Variants in ATP2B4 observed in about 807,000 individuals in gnomAD.
ATP2B4 encodes the protein plasma membrane calcium-transporting ATPase 4.
ATP2B4 carries 39 observed loss-of-function variants against 110.3 expected under a neutral mutation model. The observed-to-expected ratio is 0.35, with a 90% CI of 0.27 to 0.46. ATP2B4 has a LOEUF of 0.46. ATP2B4 is among the 20% of genes least tolerant of loss of function. ATP2B4 has a pLI of 1.00. For synonymous variants in ATP2B4, 538 were observed against 571.7 expected (o/e 0.94, Z 0.84); for missense variants, 1,135 against 1,530.9 (o/e 0.74, Z 4.32).
At chr1:203,728,446 A>G (rs1666587586) in intron 20 of ATP2B4, 1 of 234,754 alleles carries the variant, frequency 4.3e-6, no homozygotes, top group South Asian at 4.6e-5. Flanking sequence ...AAAACACTGT[A>G]AATTCCAAGA....
rs11329273 is a variant in ATP2B4, at chr1:203,686,994, C to CT, written c.193+3616dup. Among the ~76,000 whole-genome samples the CT allele has an allele frequency of 1.2e-3, 107 of 86,472 alleles. 1 individual carries two copies. The highest frequency in any genetic ancestry group is 3.0e-3 in the East Asian group (9 of 3,010). The allele number at this position is 86,472 out of a possible 152,430, so 56.7% of individuals were successfully genotyped here. A position where few individuals can be genotyped will look rare whatever the true frequency, so the allele number is the denominator to read the frequency against. On this transcript the variant is annotated intron_variant, in intron 2 of 20. Transcript: ENST00000357681. The stretch of plus-strand genomic sequence containing the variant: ...ACAGGCGTGAGCCATGGCATCTGGC[C>CT]TTTTTTTTTTTTTTTTTTTTCTTTA...
At chr1:203,630,863 A>G (rs1026976867) in intron 1 of ATP2B4, among the ~76,000 whole-genome samples, 2 of 152,214 alleles carry the variant, frequency 1.3e-5, no homozygotes, top group African/African-American at 4.8e-5. Context: ...TCTGCAGGTC[A>G]TAGGATTAGA....
intron 20 of ATP2B4, among the ~76,000 whole-genome samples, chr1:203,735,807 C>T (rs2102239801): frequency 6.6e-6 from 1 of 152,300 alleles, no homozygotes; most frequent in South Asian, 2.1e-4. Context: ...TAACTAGCTT[C>T]TGTTCTGTTT....
chr1:203,727,191 GA>G (rs1666550153), intron 19 of ATP2B4, among the ~76,000 whole-genome samples: 1 of 152,190 alleles, frequency 6.6e-6, no homozygotes, highest in African/African-American at 2.4e-5. Context: ...CATAAATACA[GA>G]AAACCTTCCT....
At chr1:203,679,964 G>A (rs1263003494) in intron 1 of ATP2B4, among the ~76,000 whole-genome samples, 2 of 151,976 alleles carry the variant, frequency 1.3e-5, no homozygotes, top group African/African-American at 4.8e-5. Flanking sequence ...AGGAAGCTGA[G>A]GCGGGAGAAT....
chr1:203,727,959 A>C (rs908661065), intron 20 of ATP2B4, among the ~76,000 whole-genome samples: 1 of 152,168 alleles, frequency 6.6e-6, no homozygotes, highest in Non-Finnish European at 1.5e-5. Flanking sequence ...AGACAATATC[A>C]ATATGCCAAC....
At chr1:203,682,054 C>G (rs1665032268) in intron 1 of ATP2B4, among the ~76,000 whole-genome samples, 1 of 152,150 alleles carries the variant, frequency 6.6e-6, no homozygotes. Context: ...TGGTGCCGGC[C>G]AGGTTGACAC....
At chr1:203,662,459 T>C (rs1170410626) in intron 1 of ATP2B4, among the ~76,000 whole-genome samples, 1 of 152,230 alleles carries the variant, frequency 6.6e-6, no homozygotes, top group Non-Finnish European at 1.5e-5. Flanking sequence ...TAAACAATAA[T>C]GCCCATTCCC....
chr1:203,691,233 T>G (rs1421736912), intron 2 of ATP2B4, among the ~76,000 whole-genome samples: 1 of 152,172 alleles, frequency 6.6e-6, no homozygotes, highest in African/African-American at 2.4e-5. Flanking sequence ...TGTTGCAAGT[T>G]TTTTGGGGGT....
chr1:203,722,447 T>TA (rs1345711320), intron 17 of ATP2B4, 31 bp from the exon 18 acceptor site: 1 of 1,550,930 alleles, frequency 6.4e-7, no homozygotes, highest in African/African-American at 1.4e-5. Context: ...AGACCACACT[T>TA]AACCTCCAGT....
At chr1:203,665,419 G>A (rs956153671) in intron 1 of ATP2B4, among the ~76,000 whole-genome samples, 4 of 152,214 alleles carry the variant, frequency 2.6e-5, no homozygotes, top group Non-Finnish European at 4.4e-5. Context: ...GCTAGCAGGC[G>A]TGGGAGATGT....
intron 8 of ATP2B4, among the ~76,000 whole-genome samples, 190 bp from the exon 9 acceptor site, chr1:203,706,819 G>C (rs546117148): frequency 2.0e-5 from 3 of 152,268 alleles, no homozygotes; most frequent in Admixed American, 6.5e-5. Flanking sequence ...TTTGAAATAC[G>C]AAACCACTGT....
rs566326261 is a variant in ATP2B4, at chr1:203,644,542, A to G, written c.-465+17323A>G. On this transcript the variant is annotated intron_variant, in intron 1 of 20. Transcript: ENST00000357681. Reference sequence around the variant, plus strand: ...AATCACTGAACCTTTCTGGGCTTCAATTTGTTCAGATGTAAAATGAAGAGT... The same window carrying G: ...AATCACTGAACCTTTCTGGGCTTCAGTTTGTTCAGATGTAAAATGAAGAGT... Among the ~76,000 whole-genome samples the G allele has an allele frequency of 7.9e-5, 12 of 152,290 alleles. No homozygotes were observed. In the South Asian group the frequency reaches 1.0e-3, roughly 13 times the overall value.
At chr1:203,641,638 C>A (rs1663632777) in intron 1 of ATP2B4, among the ~76,000 whole-genome samples, 1 of 152,060 alleles carries the variant, frequency 6.6e-6, no homozygotes, top group African/African-American at 2.4e-5. Context: ...TATCTGTAAT[C>A]CTTACTACAC....
intron 1 of ATP2B4, among the ~76,000 whole-genome samples, chr1:203,665,155 T>C (rs528635585): frequency 6.6e-6 from 1 of 152,322 alleles, no homozygotes; most frequent in South Asian, 2.1e-4. Flanking sequence ...AAGGTGAATA[T>C]AGCCCACAGG....
rs1214526316 is a variant in ATP2B4, at chr1:203,724,865, C to CTCTTTTTTTTTTTTTT, written c.3132+878_3132+879insCTTTTTTTTTTTTTTT. ...ACTGCCTGGGTTTGAATCCAGCTCT[C>CTCTTTTTTTTTTTTTT]TGTTTTTTTTTTTTTTTTTTTTTTT... On this transcript the variant is annotated intron_variant, in intron 19 of 20. Transcript: ENST00000357681. Among the ~76,000 whole-genome samples, 4 of 101,454 alleles carry CTCTTTTTTTTTTTTTT rather than the reference C, an allele frequency of 3.9e-5. 2 individuals carry two copies. Among genetic ancestry groups the CTCTTTTTTTTTTTTTT allele is most frequent in the Non-Finnish European group, 3.7e-5 (2 of 53,392 alleles). 66.6% of individuals were successfully genotyped at this position (101,454 alleles called of 152,430 possible). A position where few individuals can be genotyped will look rare whatever the true frequency, so the allele number is the denominator to read the frequency against.
chr1:203,691,229 A>G (rs972952654), intron 2 of ATP2B4, among the ~76,000 whole-genome samples: 3 of 152,148 alleles, frequency 2.0e-5, no homozygotes, highest in African/African-American at 4.8e-5. Context: ...CAACTGTTGC[A>G]AGTTTTTTGG....
chr1:203,703,941 GC>G lies in ATP2B4; in HGVS notation c.1099+129del. Reference sequence around the variant, plus strand: ...TGAAACTTCAGGGTGGCTAGTTGGGGCTAGGCGGCTGTTTCCCTATCTCCGC... The same window carrying G: ...TGAAACTTCAGGGTGGCTAGTTGGGGTAGGCGGCTGTTTCCCTATCTCCGC... On this transcript the variant is annotated intron_variant, in intron 8 of 20. Coordinates refer to ENST00000357681, the MANE Select transcript of ATP2B4 (RefSeq NM_001684.5). 2.5e-6 allele frequency: 3 copies of G among 1,217,170 alleles called. No homozygotes were observed. The South Asian group carries it at 4.9e-5, about 20-fold the overall frequency. 75.4% of individuals were successfully genotyped at this position (1,217,170 alleles called of 1,614,324 possible). A position where few individuals can be genotyped will look rare whatever the true frequency, so the allele number is the denominator to read the frequency against.
At chr1:203,695,024 A>C (rs1665491526) in intron 2 of ATP2B4, among the ~76,000 whole-genome samples, 2 of 152,112 alleles carry the variant, frequency 1.3e-5, no homozygotes, top group South Asian at 4.1e-4. Context: ...TGCCCCTCAT[A>C]TGTCCCTCTT....
Sources: allele counts gnomAD v4.1 joint callset (sites outside exome capture counted in the v4.1 genomes callset), GRCh38; gene constraint gnomAD v4.1.1; transcripts MANE v1.5; gene names NCBI Gene and HGNC (gene_info 2026-07-23, HGNC 2026-07-21).